Variants in IGF1 observed in about 807,000 individuals in gnomAD.
IGF1 encodes insulin like growth factor 1, also known as insulin-like growth factor 1.
IGF1 carries 4 observed loss-of-function variants against 13.8 expected under a neutral mutation model. The observed-to-expected ratio is 0.29, with a 90% confidence interval of 0.14 to 0.66. The LOEUF (loss-of-function observed/expected upper bound fraction) is 0.66, where lower values mean the gene tolerates loss of function less well. Among genes scored for constraint, IGF1 ranks in the 30% least tolerant of loss-of-function variants. The pLI, the probability that IGF1 is intolerant of heterozygous loss-of-function variation, is 0.78. For missense variants in IGF1, 124 were observed against 188.5 expected (o/e 0.66, Z 2.00); for synonymous variants, 76 against 72.6 (o/e 1.05, Z -0.23).
Position 102,399,982 on chromosome 12 carries a change from C to G in IGF1, c.*2525G>C, listed in dbSNP as rs2136933432. 1 of 152,266 alleles carries G rather than the reference C, an allele frequency of 6.6e-6. No homozygotes were observed. The highest frequency in any genetic ancestry group is 2.1e-4 in the South Asian group (1 of 4,824). 9.4% of individuals were successfully genotyped at this position (152,266 alleles called of 1,614,324 possible). ...GATGTATAGTTTCTTTTACATCTGTCCATAGTGATTAGAACATTGCTAAGC... is the reference window on the plus strand; with the variant it reads ...GATGTATAGTTTCTTTTACATCTGTGCATAGTGATTAGAACATTGCTAAGC... On this transcript the variant is annotated 3_prime_UTR_variant, in exon 4 of 4. Transcript: ENST00000337514.
chr12:102,461,873 A>G (rs1353403047), intron 2 of IGF1, among the ~76,000 whole-genome samples: 1 of 152,200 alleles, frequency 6.6e-6, no homozygotes, highest in Non-Finnish European at 1.5e-5. Context: ...ATCATTTTTG[A>G]AATCTGCAGT....
At chr12:102,443,833 T>A (rs928202661) in intron 2 of IGF1, among the ~76,000 whole-genome samples, 1 of 152,044 alleles carries the variant, frequency 6.6e-6, no homozygotes, top group African/African-American at 2.4e-5. Flanking sequence ...TATTTATTTA[T>A]TTATTTTTTG....
intron 2 of IGF1, among the ~76,000 whole-genome samples, chr12:102,443,057 C>T (rs1878008537): frequency 6.6e-6 from 1 of 152,022 alleles, no homozygotes; most frequent in Admixed American, 6.6e-5. Flanking sequence ...ATCAACCTTT[C>T]ATTTTGTAGT....
At position 102,396,727 on chromosome 12, in the gene IGF1, ACT is replaced by A. The variant is rs1240241819; in HGVS notation, c.*5778_*5779del. 3 of 394,570 alleles carry A rather than the reference ACT, an allele frequency of 7.6e-6. No homozygotes were observed. Among genetic ancestry groups the A allele is most frequent in the African/African-American group, 2.1e-5 (1 of 48,464 alleles). 24.4% of individuals were successfully genotyped at this position (394,570 alleles called of 1,614,324 possible). On this transcript the variant is annotated 3_prime_UTR_variant, in exon 4 of 4. Coordinates refer to ENST00000337514, the MANE Select transcript of IGF1 (RefSeq NM_000618.5). ...AATTCAGCTCCGGTTATTAGGAGAA[ACT>A]CTGTCTCCATCTTAACTCATATTTC...
chr12:102,455,574 G>A (rs907960832), intron 2 of IGF1, among the ~76,000 whole-genome samples: 1 of 152,098 alleles, frequency 6.6e-6, no homozygotes, highest in African/African-American at 2.4e-5. Flanking sequence ...TCCACACAGA[G>A]GTCTCCACTC....
Position 102,399,106 on chromosome 12 carries a change from A to AATGT in IGF1, c.*3397_*3400dup, listed in dbSNP as rs140776031. The AATGT allele has an allele frequency of 1.1e-5, 1 of 87,660 alleles. No homozygotes were observed. The highest frequency in any genetic ancestry group is 2.4e-5 in the Non-Finnish European group (1 of 41,272). The allele number at this position is 87,660 out of a possible 1,614,324, so 5.4% of individuals were successfully genotyped here. A position where few individuals can be genotyped will look rare whatever the true frequency, so the allele number is the denominator to read the frequency against. ...AGTATTCCATTGGATCCTTAGGGTG[A>AATGT]ATGTGTGTGTGTGTGTGTGTGTGTG... On this transcript the variant is annotated 3_prime_UTR_variant, in exon 4 of 4. Transcript: ENST00000337514.
intron 2 of IGF1, among the ~76,000 whole-genome samples, chr12:102,460,441 A>T (rs1195807550): frequency 6.6e-6 from 1 of 151,774 alleles, no homozygotes; most frequent in Non-Finnish European, 1.5e-5. Context: ...TTGGAATTTC[A>T]TGGGTCCCCC....
intron 2 of IGF1, among the ~76,000 whole-genome samples, chr12:102,467,646 A>G (rs544033165): frequency 2.8e-4 from 42 of 152,294 alleles, no homozygotes; most frequent in South Asian, 1.2e-3. Context: ...AGGGAGCAAA[A>G]GTGTTAACCT....
chr12:102,467,405 G>A (rs73181000), intron 2 of IGF1, among the ~76,000 whole-genome samples: 3,662 of 152,224 alleles, frequency 0.024, 50 homozygotes, highest in African/African-American at 0.027. Context: ...CCAACAACTC[G>A]TCAGACTGTT....
intron 2 of IGF1, among the ~76,000 whole-genome samples, chr12:102,474,521 C>A (rs1880892005): frequency 6.6e-6 from 1 of 152,172 alleles, no homozygotes; most frequent in Admixed American, 6.5e-5. Flanking sequence ...CTCTACCCTG[C>A]CAGTCATACA....
intron 2 of IGF1, among the ~76,000 whole-genome samples, chr12:102,434,370 A>G (rs573184014): frequency 4.1e-5 from 6 of 146,182 alleles, no homozygotes; most frequent in East Asian, 2.1e-4. Flanking sequence ...TCATTGTTCA[A>G]TTCCCACCTA....
intron 3 of IGF1, among the ~76,000 whole-genome samples, chr12:102,410,803 T>G (rs1484020392): frequency 6.6e-6 from 1 of 152,236 alleles, no homozygotes; most frequent in African/African-American, 2.4e-5. Context: ...ATTTTCCTCC[T>G]CACTGAATTG....
intron 2 of IGF1, among the ~76,000 whole-genome samples, chr12:102,452,131 G>C (rs1255844879): frequency 6.6e-6 from 1 of 151,436 alleles, no homozygotes; most frequent in Non-Finnish European, 1.5e-5. Context: ...GCGTGGTAGC[G>C]GGCGCCTGTA....
At position 102,419,546 on chromosome 12, in the gene IGF1, C is replaced by T. The variant is rs377124814; in HGVS notation, c.365G>A (p.Arg122His). Residue 122 changes from arginine (R) to histidine (H), a missense_variant, in exon 3 of 4, where the codon CGT becomes CAT. Physicochemically the swap from Arg to His is conservative, Grantham distance 29 (BLOSUM62 0). This residue lies in a region of IGF1 where 99 missense variants were observed against 171.4 expected (regional missense o/e 0.58). Transcript: ENST00000337514. ...LKPAKSARSVRAQRHTDMPKT... is the reference protein window; with the variant it reads ...LKPAKSARSVHAQRHTDMPKT... The stretch of plus-strand genomic sequence containing the variant: ...GGGCATGTCGGTGTGGCGCTGGGCA[C>T]GGACAGAGCGAGCTGACTTGGCAGG... 51 of 1,613,574 alleles carry T rather than the reference C, an allele frequency of 3.2e-5. No homozygotes were observed. The highest frequency in any genetic ancestry group is 3.7e-5 in the Non-Finnish European group (44 of 1,179,996).
intron 2 of IGF1, among the ~76,000 whole-genome samples, chr12:102,456,252 G>A (rs1031737484): frequency 6.7e-6 from 1 of 148,408 alleles, no homozygotes; most frequent in African/African-American, 2.5e-5. Flanking sequence ...GTGTGTGTGT[G>A]TGTGTGTGTG....
intron 2 of IGF1, among the ~76,000 whole-genome samples, chr12:102,446,638 C>T (rs937593453): frequency 7.9e-5 from 12 of 152,046 alleles, no homozygotes; most frequent in Admixed American, 2.6e-4. Flanking sequence ...GTCTTGCTAG[C>T]GGTCTATCTA....
chr12:102,403,236 A>G (rs1376464579), intron 3 of IGF1, among the ~76,000 whole-genome samples: 1 of 152,184 alleles, frequency 6.6e-6, no homozygotes, highest in Non-Finnish European at 1.5e-5. Context: ...TTATAGGATC[A>G]AAGATTAAAT....
At chr12:102,458,990 G>A (rs1458484944) in intron 2 of IGF1, among the ~76,000 whole-genome samples, 1 of 152,190 alleles carries the variant, frequency 6.6e-6, no homozygotes, top group Non-Finnish European at 1.5e-5. Context: ...AAGTCATGCA[G>A]GCAAGTGAAG....
At chr12:102,409,434 C>T (rs976288405) in intron 3 of IGF1, among the ~76,000 whole-genome samples, 1 of 152,168 alleles carries the variant, frequency 6.6e-6, no homozygotes, top group Admixed American at 6.5e-5. Flanking sequence ...AGTGGCAAAC[C>T]AGGAAATGCT....
Sources: allele counts gnomAD v4.1 joint callset (sites outside exome capture counted in the v4.1 genomes callset), GRCh38; gene constraint gnomAD v4.1.1; regional missense constraint gnomAD v4.1.1; transcripts MANE v1.5; gene names NCBI Gene and HGNC (gene_info 2026-07-23, HGNC 2026-07-21).